Variants in NRXN3 observed in about 807,000 individuals in gnomAD.
The protein encoded by NRXN3 is neurexin III.
NRXN3 carries 32 observed loss-of-function variants against 137.6 expected under a neutral mutation model. The ratio of observed to expected loss-of-function variants is 0.23; its 90% confidence interval spans 0.18 to 0.31. The LOEUF is 0.31. NRXN3 is among the 10% of genes least tolerant of loss of function. The pLI, the probability that NRXN3 is intolerant of heterozygous loss-of-function variation, is 1.00. For synonymous variants in NRXN3, 798 were observed against 784.5 expected (o/e 1.02, Z -0.29); for missense variants, 1,574 against 2,062.5 (o/e 0.76, Z 4.59).
At chr14:78,950,510 T>C (rs758554093) in intron 10 of NRXN3, among the ~76,000 whole-genome samples, 10 of 152,088 alleles carry the variant, frequency 6.6e-5, no homozygotes, top group Non-Finnish European at 1.2e-4. Context: ...CTGCCAGTGT[T>C]TGCTTTGTAA....
At chr14:79,160,364 A>G (rs2060642313) in intron 15 of NRXN3, among the ~76,000 whole-genome samples, 1 of 151,900 alleles carries the variant, frequency 6.6e-6, no homozygotes, top group Admixed American at 6.6e-5. Context: ...AGTCCATTCT[A>G]TGTAGTGCCT....
chr14:78,499,233 A>AT (rs2153770595), intron 4 of NRXN3, among the ~76,000 whole-genome samples: 1 of 152,134 alleles, frequency 6.6e-6, no homozygotes, highest in South Asian at 2.1e-4. Context: ...AAGGTAGGTA[A>AT]TTGCCTAGCA....
intron 14 of NRXN3, among the ~76,000 whole-genome samples, chr14:78,968,969 C>T (rs1289052628): frequency 6.6e-6 from 1 of 152,118 alleles, no homozygotes; most frequent in African/African-American, 2.4e-5. Flanking sequence ...GGTAGTAGCT[C>T]TTGTTAGCTA....
chr14:78,857,103 C>G (rs1172748347), intron 10 of NRXN3, among the ~76,000 whole-genome samples: 1 of 152,046 alleles, frequency 6.6e-6, no homozygotes, highest in Non-Finnish European at 1.5e-5. Context: ...TCATGCTACA[C>G]ATCAAGTATA....
At chr14:79,537,956 G>A (rs1464133056) in intron 16 of NRXN3, among the ~76,000 whole-genome samples, 1 of 152,150 alleles carries the variant, frequency 6.6e-6, no homozygotes, top group Admixed American at 6.5e-5. Flanking sequence ...AGCACCTGTT[G>A]TTTCCTAACT....
chr14:78,496,361 A>G (rs904727106), intron 4 of NRXN3, among the ~76,000 whole-genome samples: 25 of 152,194 alleles, frequency 1.6e-4, no homozygotes, highest in African/African-American at 4.8e-4. Context: ...TTTTCTTCCT[A>G]CATATTTTGA....
chr14:78,191,105 T>C (rs1002320472), intron 1 of NRXN3, among the ~76,000 whole-genome samples: 1 of 152,196 alleles, frequency 6.6e-6, no homozygotes, highest in African/African-American at 2.4e-5. Context: ...TTTCAAAGCA[T>C]CTGCTTGGAT....
intron 19 of NRXN3, among the ~76,000 whole-genome samples, chr14:79,723,585 C>T (rs917734078): frequency 1.3e-5 from 2 of 152,124 alleles, no homozygotes; most frequent in African/African-American, 4.8e-5. Flanking sequence ...TCTCCATTCT[C>T]ACTCTTTTGT....
At chr14:78,256,702 A>T (rs1233992287) in intron 2 of NRXN3, among the ~76,000 whole-genome samples, 1 of 152,252 alleles carries the variant, frequency 6.6e-6, no homozygotes, top group East Asian at 1.9e-4. Flanking sequence ...TATTCCTAGG[A>T]ACCTGCATCC....
intron 19 of NRXN3, among the ~76,000 whole-genome samples, chr14:79,789,673 TAATG>T (rs1461762444): frequency 6.6e-6 from 1 of 152,194 alleles, no homozygotes; most frequent in African/African-American, 2.4e-5. Context: ...GTTATGTCGC[TAATG>T]AGAGTGTAGC....
At chr14:78,314,889 CTTTCTCTT>C (rs1325750181) in intron 4 of NRXN3, among the ~76,000 whole-genome samples, 10 of 80,218 alleles carry the variant, frequency 1.2e-4, no homozygotes, top group African/African-American at 4.0e-4. Context: ...TTCTTTCTTT[CTTTCTCTT>C]TCTTTCTTTC....
At chr14:78,692,857 G>T (rs1161437016) in intron 6 of NRXN3, among the ~76,000 whole-genome samples, 1 of 149,574 alleles carries the variant, frequency 6.7e-6, no homozygotes, top group Non-Finnish European at 1.5e-5. Flanking sequence ...GAGGTGGGTG[G>T]ATCATGTGAG....
intron 4 of NRXN3, among the ~76,000 whole-genome samples, chr14:78,456,034 C>G (rs987962517): frequency 1.3e-5 from 2 of 152,178 alleles, no homozygotes; most frequent in African/African-American, 4.8e-5. Context: ...CATCTAAACA[C>G]ACAGCACGCC....
intron 15 of NRXN3, among the ~76,000 whole-genome samples, chr14:79,211,297 G>A (rs904954902): frequency 6.6e-6 from 1 of 152,100 alleles, no homozygotes; most frequent in African/African-American, 2.4e-5. Flanking sequence ...AGAATGACTG[G>A]CACTTCACAA....
At chr14:78,360,604 C>T (rs1165677012) in intron 4 of NRXN3, among the ~76,000 whole-genome samples, 1 of 152,128 alleles carries the variant, frequency 6.6e-6, no homozygotes, top group Non-Finnish European at 1.5e-5. Context: ...ATAGCGCCTA[C>T]CCCACAAGGT....
intron 1 of NRXN3, among the ~76,000 whole-genome samples, chr14:78,186,486 C>T (rs2060239012): frequency 3.9e-5 from 6 of 152,234 alleles, no homozygotes; most frequent in Admixed American, 3.9e-4. Flanking sequence ...ATTACCATTT[C>T]CTCAGGGATC....
intron 15 of NRXN3, among the ~76,000 whole-genome samples, chr14:79,306,908 G>A (rs1598499854): frequency 6.6e-6 from 1 of 152,076 alleles, no homozygotes; most frequent in Non-Finnish European, 1.5e-5. Flanking sequence ...CATTAAACTT[G>A]ACAGCCTTTT....
chr14:78,858,285 G>T (rs1001094960), intron 10 of NRXN3, among the ~76,000 whole-genome samples: 1 of 152,076 alleles, frequency 6.6e-6, no homozygotes, highest in Admixed American at 6.6e-5. Context: ...AGACTTTAGT[G>T]ACAATCCTTG....
intron 16 of NRXN3, among the ~76,000 whole-genome samples, chr14:79,636,706 G>A (rs972501359): frequency 6.6e-6 from 1 of 152,178 alleles, no homozygotes; most frequent in African/African-American, 2.4e-5. Flanking sequence ...ACTAAGAAGT[G>A]TAAAATGCTG....
Sources: gnomAD v4.1 joint callset for allele counts (sites outside exome capture counted in the v4.1 genomes callset) on GRCh38, gnomAD v4.1.1 for gene constraint, MANE v1.5 for transcripts, NCBI Gene and HGNC (gene_info 2026-07-23, HGNC 2026-07-21) for gene names.